The following USO1 variants were observed in gnomAD, a reference collection of about 807,000 sequenced individuals.
USO1 encodes general vesicular transport factor p115.
USO1 carries 57 observed loss-of-function variants against 124.5 expected under a neutral mutation model. The observed-to-expected ratio is 0.46, with a 90% CI of 0.37 to 0.57. The LOEUF (loss-of-function observed/expected upper bound fraction) is 0.57, where lower values mean the gene tolerates loss of function less well. Among genes scored for constraint, USO1 ranks in the 20% least tolerant of loss-of-function variants. USO1 has a pLI of 0.00. For synonymous variants in USO1, 369 were observed against 362.8 expected, an observed-to-expected ratio of 1.02 and a Z score of -0.19; for missense variants, 900 against 1,040.6, an observed-to-expected ratio of 0.86 and a Z score of 1.86.
rs1028001440 is a variant in USO1 at position 75,752,700 on chromosome 4, A to G, written c.218+96A>G. The G allele has an allele frequency of 2.0e-5, 8 of 391,700 alleles. No individual in the cohort carries two copies. In the Admixed American group the frequency reaches 2.7e-4, roughly 13 times the overall value. The allele number at this position is 391,700 out of a possible 1,614,324, so 24.3% of individuals were successfully genotyped here. A position where few individuals can be genotyped will look rare whatever the true frequency, so the allele number is the denominator to read the frequency against. ...TCCAAAAGATTGCTTTTTTTTTGGT[A>G]TTTTTTGGTAGAGATGGGGTTTGCC... On this transcript the variant is annotated intron_variant, in intron 3 of 23. Transcript: ENST00000514213.
chr4:75,807,836 T>C (rs1422692616), intron 20 of USO1, among the ~76,000 whole-genome samples: 1 of 152,120 alleles, frequency 6.6e-6, no homozygotes, highest in Non-Finnish European at 1.5e-5. Flanking sequence ...AATTGCCTTT[T>C]AGTTTTTTTA....
At chr4:75,725,617 T>TG (rs1720406074) in intron 1 of USO1, among the ~76,000 whole-genome samples, 3 of 146,332 alleles carry the variant, frequency 2.1e-5, no homozygotes, top group African/African-American at 7.6e-5. Context: ...CGGCGTTATT[T>TG]AAAAAAAAAA....
chr4:75,779,887 C>G (rs940750119), intron 8 of USO1, among the ~76,000 whole-genome samples: 1 of 152,210 alleles, frequency 6.6e-6, no homozygotes, highest in Non-Finnish European at 1.5e-5. Flanking sequence ...ACTTTTGTAT[C>G]TAGAAAGAAG....
intron 1 of USO1, among the ~76,000 whole-genome samples, chr4:75,735,859 C>T (rs1244084080): frequency 6.6e-6 from 1 of 152,118 alleles, no homozygotes; most frequent in Non-Finnish European, 1.5e-5. Context: ...TTCCTAGTCA[C>T]TCCTGTTCCC....
intron 1 of USO1, among the ~76,000 whole-genome samples, chr4:75,741,129 T>C (rs1489531260): frequency 6.6e-6 from 1 of 152,216 alleles, no homozygotes; most frequent in East Asian, 1.9e-4. Context: ...GTGTAGCCTA[T>C]TGCTCTTGGG....
In USO1 at chr4:75,774,062, C is replaced by G. The variant is rs1387213401; in HGVS notation, c.556-614C>G. Among the ~76,000 whole-genome samples the G allele has an allele frequency of 3.9e-5, 6 of 152,186 alleles. No individual in the cohort carries two copies. The East Asian group carries it at 1.2e-3, about 29-fold the overall frequency. On this transcript the variant is annotated intron_variant, in intron 7 of 23. Coordinates refer to ENST00000514213, the MANE Select transcript of USO1 (RefSeq NM_003715.4). ...ATAAAGATATTATAAAATATATAAA[C>G]TGTATCCAGCTTACCAGGAGCTGAG...
rs142547282 is a variant in USO1 at position 75,776,137 on chromosome 4, G to A, written c.676+1341G>A. Among the ~76,000 whole-genome samples the A allele has an allele frequency of 7.2e-3, 1,103 of 152,270 alleles. 12 individuals carry two copies. Among genetic ancestry groups the A allele is most frequent in the African/African-American group, 0.026 (1,062 of 41,550 alleles). ...ATGAGAAGTCGTAAGAGATGGTACA[G>A]CCATATAGCCAAGCCTCAAGGGAAC... is the stretch of plus-strand genomic sequence containing the variant. On this transcript the variant is annotated intron_variant, in intron 8 of 23. Transcript: ENST00000514213.
At chr4:75,807,588 G>T (rs1020089408) in intron 20 of USO1, among the ~76,000 whole-genome samples, 1 of 152,096 alleles carries the variant, frequency 6.6e-6, no homozygotes, top group African/African-American at 2.4e-5. Flanking sequence ...TTTAAAAAAA[G>T]AATCACTTAT....
chr4:75,777,954 GGATA>G (rs1339453271), intron 8 of USO1, among the ~76,000 whole-genome samples: 1 of 152,160 alleles, frequency 6.6e-6, no homozygotes, highest in Admixed American at 6.5e-5. Context: ...GTAGTTGAAT[GGATA>G]GATAAACTGT....
At position 75,770,905 on chromosome 4, in the gene USO1, T is replaced by A. The variant is rs759502266; in HGVS notation, c.480T>A (p.Ile160=). The A allele has an allele frequency of 1.2e-6, 2 of 1,613,654 alleles. No homozygotes were observed. The highest frequency in any genetic ancestry group is 8.5e-7 in the Non-Finnish European group (1 of 1,179,766). The change falls in exon 6 of 24, where the codon ATT becomes ATA. Residue 160 remains isoleucine (I), a synonymous_variant. Transcript: ENST00000514213. ...AACTAGGGCCTCAGGTGCAACAAAT[T>A]ATTTTAGTCAGTCCTATGGGTAAGT... is the stretch of plus-strand genomic sequence containing the variant. ...LKQLGPQVQQ[I]ILVSPMGVSR...
At chr4:75,792,801 C>T (rs575461601) in intron 12 of USO1, among the ~76,000 whole-genome samples, 1 of 152,166 alleles carries the variant, frequency 6.6e-6, no homozygotes, top group Non-Finnish European at 1.5e-5. Context: ...TATTTTTGTA[C>T]TCATTATCCC....
At chr4:75,800,292 T>A in intron 14 of USO1, 59 bp from the exon 15 acceptor site, 1 of 1,518,496 alleles carries the variant, frequency 6.6e-7, no homozygotes, top group Non-Finnish European at 8.8e-7. Flanking sequence ...TATGTCAAAT[T>A]CAAATTGCAA....
intron 4 of USO1, chr4:75,767,567 A>G (rs1318318435): frequency 3.6e-5 from 12 of 336,326 alleles, no homozygotes; most frequent in South Asian, 2.6e-4. Flanking sequence ...ACACAGTGAA[A>G]CCCCATCTAT....
intron 1 of USO1, among the ~76,000 whole-genome samples, chr4:75,744,624 T>G (rs1224835192): frequency 6.6e-6 from 1 of 152,216 alleles, no homozygotes; most frequent in African/African-American, 2.4e-5. Flanking sequence ...TTCACCATTT[T>G]GGGCAGGCTG....
At chr4:75,792,279 G>A (rs1577965346) in intron 12 of USO1, among the ~76,000 whole-genome samples, 1 of 152,140 alleles carries the variant, frequency 6.6e-6, no homozygotes, top group Non-Finnish European at 1.5e-5. Context: ...GCTCACTCCT[G>A]TAATCCCAGC....
chr4:75,729,646 C>T (rs1024426643), intron 1 of USO1, among the ~76,000 whole-genome samples: 1 of 152,124 alleles, frequency 6.6e-6, no homozygotes, highest in Non-Finnish European at 1.5e-5. Flanking sequence ...CAGCCCCCAA[C>T]TTGTACCTTT....
In USO1 at chr4:75,812,272, T is replaced by G; in HGVS notation, c.2696T>G (p.Ile899Ser). The change falls in exon 23 of 24, where the codon ATT becomes AGT. Residue 899 changes from isoleucine to serine, a missense_variant. Transcript: ENST00000514213. Reference sequence around the variant, plus strand: ...GAGAAAGACAAACTAGAGTTGGAAATTACAGATTCTAAAAAAGAACAAGAT... The same window carrying G: ...GAGAAAGACAAACTAGAGTTGGAAAGTACAGATTCTAAAAAAGAACAAGAT... Reference protein sequence around the residue: ...QTEKDKLELEITDSKKEQDDL... With the variant: ...QTEKDKLELESTDSKKEQDDL... 6.2e-7 allele frequency: 1 copy of G among 1,608,436 alleles called. No homozygotes were observed. The highest frequency in any genetic ancestry group is 2.2e-5 in the East Asian group (1 of 44,764).
At chr4:75,767,626 C>T (rs1246558593) in intron 4 of USO1, 3 of 288,096 alleles carry the variant, frequency 1.0e-5, no homozygotes, top group Non-Finnish European at 6.9e-6. Flanking sequence ...CATCTGAAGT[C>T]CCAGCTACTC....
At chr4:75,773,313 AC>A (rs1481121178) in intron 7 of USO1, among the ~76,000 whole-genome samples, 1 of 151,892 alleles carries the variant, frequency 6.6e-6, no homozygotes, top group Non-Finnish European at 1.5e-5. Flanking sequence ...ATGTTTTATA[AC>A]CTTTTTTTTA....
Sources: allele counts gnomAD v4.1 joint callset (sites outside exome capture counted in the v4.1 genomes callset), GRCh38; gene constraint gnomAD v4.1.1; transcripts MANE v1.5; gene names NCBI Gene and HGNC (gene_info 2026-07-23, HGNC 2026-07-21).